The following C1orf116 variants were observed in gnomAD, a reference collection of about 807,000 sequenced individuals.
C1orf116 encodes the protein chromosome 1 open reading frame 116, also known as specifically androgen-regulated gene protein.
In C1orf116, 12 loss-of-function variants were observed where a neutral mutation model predicts 14.1. The ratio of observed to expected loss-of-function variants is 0.85; its 90% confidence interval spans 0.54 to 1.38. C1orf116 has a LOEUF of 1.38. C1orf116 is among the 40% of genes most tolerant of loss of function. The pLI is 0.00. For missense variants in C1orf116, 797 were observed against 747.0 expected, an observed-to-expected ratio of 1.07 and a Z score of -0.78; for synonymous variants, 296 against 299.0, an observed-to-expected ratio of 0.99 and a Z score of 0.10.
chr1:207,032,070 A>T (rs1232840678), intron 1 of C1orf116, among the ~76,000 whole-genome samples: 1 of 152,128 alleles, frequency 6.6e-6, no homozygotes, highest in Non-Finnish European at 1.5e-5. Flanking sequence ...GTACACAGAG[A>T]GCTCCATTAT....
chr1:207,028,957 T>C (rs1682164370), intron 1 of C1orf116, among the ~76,000 whole-genome samples: 1 of 152,212 alleles, frequency 6.6e-6, no homozygotes, highest in Non-Finnish European at 1.5e-5. Flanking sequence ...CTCCCAACAC[T>C]AGGTAAAATG....
chr1:207,032,720 T>C lies in C1orf116; in HGVS notation c.-223A>G. 1.0e-6 allele frequency: 1 copy of C among 985,428 alleles called. No individual in the cohort carries two copies. The highest frequency in any genetic ancestry group is 4.7e-5 in the South Asian group (1 of 21,280). 61.0% of individuals were successfully genotyped at this position (985,428 alleles called of 1,614,324 possible). ...CTCCTGACTTACCTAGATAGGTAAA[T>C]GCTTCATCTGTGCTGCCTGGCCCCC... On this transcript the variant is annotated 5_prime_UTR_variant, in exon 1 of 4. Coordinates refer to ENST00000359470, the MANE Select transcript of C1orf116 (RefSeq NM_023938.6).
At chr1:207,025,676 G>C (rs1682055978) in intron 2 of C1orf116, among the ~76,000 whole-genome samples, 1 of 152,172 alleles carries the variant, frequency 6.6e-6, no homozygotes, top group African/African-American at 2.4e-5. Context: ...TAAATGATTT[G>C]TACTTGACTT....
At chr1:207,024,355 C>A (rs1185071332) in intron 3 of C1orf116, among the ~76,000 whole-genome samples, 2 of 152,248 alleles carry the variant, frequency 1.3e-5, no homozygotes, top group Admixed American at 1.3e-4. Flanking sequence ...CATGTGGCCC[C>A]ACAGTCATGG....
intron 2 of C1orf116, among the ~76,000 whole-genome samples, chr1:207,026,524 A>G (rs1170040695): frequency 6.6e-6 from 1 of 152,230 alleles, no homozygotes; most frequent in Admixed American, 6.5e-5. Flanking sequence ...GTCAAAATGA[A>G]ATTTGTATGA....
Position 207,022,391 on chromosome 1 carries a change from G to A in C1orf116, c.1373C>T (p.Pro458Leu), listed in dbSNP as rs148840253. 2.7e-5 allele frequency: 43 copies of A among 1,614,142 alleles called. No homozygotes were observed. The Middle Eastern group carries it at 6.6e-4, about 25-fold the overall frequency. Residue 458 changes from proline (P) to leucine (L), a missense_variant, in exon 4 of 4, where the codon CCG becomes CTG. Coordinates refer to ENST00000359470, the MANE Select transcript of C1orf116 (RefSeq NM_023938.6). ...APRANSALTP[P>L]KPESGLTLQE... ...GAGAGTCAGCCCTGACTCTGGCTTCGGTGGAGTCAGGGCACTGTTTGCCCT... is the reference window on the plus strand; with the variant it reads ...GAGAGTCAGCCCTGACTCTGGCTTCAGTGGAGTCAGGGCACTGTTTGCCCT...
Position 207,020,778 on chromosome 1 carries a change from G to A in C1orf116, c.*1180C>T, listed in dbSNP as rs1277320469. ...GCCTTAGGGTTGAGTCTTTGATGGT[G>A]ACTATGGCTCCTTAGGGTGCTGTGT... On this transcript the variant is annotated 3_prime_UTR_variant, in exon 4 of 4. Transcript: ENST00000359470. 1.3e-5 allele frequency: 2 copies of A among 152,220 alleles called. No homozygotes were observed. Among genetic ancestry groups the A allele is most frequent in the Non-Finnish European group, 2.9e-5 (2 of 68,044 alleles). 9.4% of individuals were successfully genotyped at this position (152,220 alleles called of 1,614,324 possible).
In C1orf116 at chr1:207,023,022, ACAT is replaced by A. The variant is rs775683947; in HGVS notation, c.739_741del (p.Met247del). 5 of 1,613,616 alleles carry A rather than the reference ACAT, an allele frequency of 3.1e-6. 1 individual carries two copies. In the South Asian group the frequency reaches 5.5e-5, roughly 18 times the overall value. On this transcript the variant is annotated inframe_deletion, in exon 4 of 4. Transcript: ENST00000359470. ...GAGACTGTTTCCTTGGCTTTTTGGG[ACAT>A]GGCTTCTGAAGGAGTCTGCTCTCTT...
At chr1:207,029,569 A>C (rs367796372) in intron 1 of C1orf116, among the ~76,000 whole-genome samples, 9 of 152,322 alleles carry the variant, frequency 5.9e-5, no homozygotes, top group South Asian at 2.1e-4. Flanking sequence ...CACTCAAAAA[A>C]TGCCGAATGA....
At position 207,027,541 on chromosome 1, in the gene C1orf116, C is replaced by T. The variant is rs367972334; in HGVS notation, c.58G>A (p.Gly20Ser). The T allele has an allele frequency of 4.0e-5, 65 of 1,613,686 alleles. No individual in the cohort carries two copies. Among genetic ancestry groups the T allele is most frequent in the Admixed American group, 1.8e-4 (11 of 60,006 alleles). The change falls in exon 2 of 4, where the codon GGC (glycine) becomes AGC (serine). Residue 20 changes from glycine (G) to serine (S), a missense_variant. Coordinates refer to ENST00000359470, the MANE Select transcript of C1orf116 (RefSeq NM_023938.6). ...CTGCTCATCATGCTGTCACAGCTGC[C>T]GACACGGGTCACGGGTTCTGAGCCA... is the stretch of plus-strand genomic sequence containing the variant. ...GTGSEPVTRV[G>S]SCDSMMSSTS...
In C1orf116 at chr1:207,022,665, A is replaced by C; in HGVS notation, c.1099T>G (p.Leu367Val). The C allele has an allele frequency of 6.2e-7, 1 of 1,613,968 alleles. No homozygotes were observed. The highest frequency in any genetic ancestry group is 8.5e-7 in the Non-Finnish European group (1 of 1,179,988). The stretch of plus-strand genomic sequence containing the variant: ...CTGATGGAGCTGGTGGGCTTACTTA[A>C]GTGGAGTCCAGGCTCATCTTGATCC... The part of the protein sequence containing the change: ...PQDQDEPGLH[L>V]SKPTSSIRPK... Residue 367 changes from leucine (L) to valine (V), a missense_variant, in exon 4 of 4, where the codon TTA becomes GTA. Leu to Val is a conservative substitution (Grantham distance 32). Coordinates refer to ENST00000359470, the MANE Select transcript of C1orf116 (RefSeq NM_023938.6).
At position 207,019,322 on chromosome 1, in the gene C1orf116, T is replaced by A. The variant is rs1681759122; in HGVS notation, c.*2636A>T. On this transcript the variant is annotated 3_prime_UTR_variant, in exon 4 of 4. Transcript: ENST00000359470. ...GCCACTCCTGTATTTGGCAGGTGGC[T>A]TGTGCCCAGTGGCATCAAGGCTATG... is the stretch of plus-strand genomic sequence containing the variant. 6.6e-6 allele frequency: 1 copy of A among 152,276 alleles called. No individual in the cohort carries two copies. The highest frequency in any genetic ancestry group is 2.1e-4 in the South Asian group (1 of 4,838). 9.4% of individuals were successfully genotyped at this position (152,276 alleles called of 1,614,324 possible). A position where few individuals can be genotyped will look rare whatever the true frequency, so the allele number is the denominator to read the frequency against.
In C1orf116 at chr1:207,020,642, G is replaced by A. The variant is rs191244430; in HGVS notation, c.*1316C>T. The A allele has an allele frequency of 1.3e-5, 2 of 152,292 alleles. No homozygotes were observed. The highest frequency in any genetic ancestry group is 3.9e-4 in the East Asian group (2 of 5,182). The allele number at this position is 152,292 out of a possible 1,614,324, so 9.4% of individuals were successfully genotyped here. A position where few individuals can be genotyped will look rare whatever the true frequency, so the allele number is the denominator to read the frequency against. On this transcript the variant is annotated 3_prime_UTR_variant, in exon 4 of 4. Coordinates refer to ENST00000359470, the MANE Select transcript of C1orf116 (RefSeq NM_023938.6). Reference sequence around the variant, plus strand: ...GGAGAGGTGTTCTGGTTAATGATGAGTTACCATATAGCTATCTTCCAAAGA... The same window carrying A: ...GGAGAGGTGTTCTGGTTAATGATGAATTACCATATAGCTATCTTCCAAAGA...
chr1:207,030,930 A>G (rs1466284236), intron 1 of C1orf116, among the ~76,000 whole-genome samples: 1 of 152,212 alleles, frequency 6.6e-6, no homozygotes, highest in Non-Finnish European at 1.5e-5. Flanking sequence ...AGGAGAGGAA[A>G]TAAAGAACAG....
At position 207,019,564 on chromosome 1, in the gene C1orf116, A is replaced by G. The variant is rs1002774570; in HGVS notation, c.*2394T>C. The stretch of plus-strand genomic sequence containing the variant: ...TACAATGACCTCAGCTCTGTCTAGC[A>G]CCACTTTCAGGGAGGCGGATGTCCT... On this transcript the variant is annotated 3_prime_UTR_variant, in exon 4 of 4. Coordinates refer to ENST00000359470, the MANE Select transcript of C1orf116 (RefSeq NM_023938.6). The G allele has an allele frequency of 3.9e-5, 6 of 152,218 alleles. No homozygotes were observed. The highest frequency in any genetic ancestry group is 8.8e-5 in the Non-Finnish European group (6 of 68,040). 9.4% of individuals were successfully genotyped at this position (152,218 alleles called of 1,614,324 possible). A position where few individuals can be genotyped will look rare whatever the true frequency, so the allele number is the denominator to read the frequency against.
rs147384367 is a variant in C1orf116, at chr1:207,024,975, A to T, written c.195T>A (p.Ala65=). ...ACTCGTCAGTGGACAGTCCGCTGTCAGCCTCCGTGTCCAGTGAGCCAATGG... is the reference window on the plus strand; with the variant it reads ...ACTCGTCAGTGGACAGTCCGCTGTCTGCCTCCGTGTCCAGTGAGCCAATGG... ...EETIGSLDTE[A]DSGLSTDESE... is the part of the protein sequence containing the mutation. Residue 65 remains alanine (A), a synonymous_variant, in exon 3 of 4, where the codon GCT becomes GCA. Transcript: ENST00000359470. 12 of 1,613,750 alleles carry T rather than the reference A, an allele frequency of 7.4e-6. No homozygotes were observed. In the African/African-American group the frequency reaches 1.6e-4, roughly 22 times the overall value.
rs1682027920 is a variant in C1orf116, at chr1:207,024,991, G to A, written c.179C>T (p.Ser60Leu). 63 of 1,612,418 alleles carry A rather than the reference G, an allele frequency of 3.9e-5. No individual in the cohort carries two copies. Among genetic ancestry groups the A allele is most frequent in the Non-Finnish European group, 5.3e-5 (63 of 1,179,312 alleles). Residue 60 changes from serine to leucine, a missense_variant, in exon 3 of 4, where the codon TCA (serine) becomes TTA (leucine). Transcript: ENST00000359470. ...TCCGCTGTCAGCCTCCGTGTCCAGT[G>A]AGCCAATGGTCTCCTCCAGGAAGAG... is the stretch of plus-strand genomic sequence containing the variant. The part of the protein sequence containing the change: ...CLLFLEETIG[S>L]LDTEADSGLS...
intron 3 of C1orf116, among the ~76,000 whole-genome samples, chr1:207,024,117 GA>G (rs1404511726): frequency 6.6e-6 from 1 of 152,234 alleles, no homozygotes; most frequent in East Asian, 1.9e-4. Context: ...CCCCACACCA[GA>G]AAGTGACTCC....
At chr1:207,024,064 A>G (rs2102299790) in intron 3 of C1orf116, among the ~76,000 whole-genome samples, 1 of 152,326 alleles carries the variant, frequency 6.6e-6, no homozygotes, top group South Asian at 2.1e-4. Context: ...TTCTACTTGC[A>G]CTTTCTATGA....
Sources: allele counts gnomAD v4.1 joint callset (sites outside exome capture counted in the v4.1 genomes callset), GRCh38; gene constraint gnomAD v4.1.1; transcripts MANE v1.5; gene names NCBI Gene and HGNC (gene_info 2026-07-23, HGNC 2026-07-21).